Variants in KMT5C observed in about 807,000 individuals in gnomAD.
The protein encoded by KMT5C is histone-lysine N-methyltransferase KMT5C.
Under a neutral mutation model 38.2 loss-of-function variants are expected in KMT5C, and 16 were observed. The observed-to-expected ratio is 0.42, with a 90% CI of 0.28 to 0.64. KMT5C has a LOEUF of 0.64. Among genes scored for constraint, KMT5C ranks in the 30% least tolerant of loss-of-function variants. The pLI is 0.23. For synonymous variants in KMT5C, 291 were observed against 279.0 expected (o/e 1.04, Z -0.43); for missense variants, 598 against 665.1 (o/e 0.90, Z 1.11).
At chr19:55,344,987 T>C (rs746918848) in intron 6 of KMT5C, 1 of 460,104 alleles carries the variant, frequency 2.2e-6, no homozygotes, top group Non-Finnish European at 4.4e-6. Context: ...GCTGGTCAAG[T>C]GTGCCGGAGG....
chr19:55,346,627 G>A lies in KMT5C; in HGVS notation c.835G>A (p.Gly279Ser), dbSNP rs1368485362. 2 of 1,571,850 alleles carry A rather than the reference G, an allele frequency of 1.3e-6. No homozygotes were observed. Among genetic ancestry groups the A allele is most frequent in the Non-Finnish European group, 1.7e-6 (2 of 1,159,476 alleles). ...QQGLDSGSRQ[G>S]LLGPRACVHP... Reference sequence around the variant, plus strand: ...AGGCCTGGACAGTGGCAGCCGACAGGGCCTGCTGGGCCCTCGGGCCTGCGT... The same window carrying A: ...AGGCCTGGACAGTGGCAGCCGACAGAGCCTGCTGGGCCCTCGGGCCTGCGT... The change falls in exon 8 of 9, where the codon GGC becomes AGC. Residue 279 changes from glycine to serine, a missense_variant. Transcript: ENST00000255613.
chr19:55,346,024 G>T (rs2123199333), intron 6 of KMT5C, 189 bp from the exon 7 acceptor site: 1 of 637,616 alleles, frequency 1.6e-6, no homozygotes, highest in Non-Finnish European at 2.7e-6. Flanking sequence ...TGGGTGGATT[G>T]TCCAGGGGCT....
intron 2 of KMT5C, 53 bp downstream of exon 2, chr19:55,342,099 T>G (rs2089563984): frequency 6.4e-7 from 1 of 1,571,162 alleles, no homozygotes; most frequent in Admixed American, 1.7e-5. Flanking sequence ...CCCCTCCCCT[T>G]GCACCGCTGC....
rs755548394 is a variant in KMT5C at position 55,347,045 on chromosome 19, C to T, written c.985C>T (p.Arg329Ter). The T allele has an allele frequency of 2.6e-6, 4 of 1,554,754 alleles. No homozygotes were observed. Among genetic ancestry groups the T allele is most frequent in the Admixed American group, 1.7e-5 (1 of 59,562 alleles). The part of the protein sequence containing the change: ...WLQWLPQPQP[R>*]VRPRKRRRPR... ...CCAGTGGCTGCCTCAGCCCCAGCCC[C>T]GAGTGCGGCCCCGGAAGCGCCGACG... The change falls in exon 9 of 9, where the codon CGA (arginine) becomes TGA (stop). Residue 329 changes from arginine to a stop codon, truncating the protein, a stop_gained. Transcript: ENST00000255613. LOFTEE classifies it low-confidence loss of function (END_TRUNC). This position sits in a 1 kb window ranked among gnomAD's most constrained non-coding sequence, Gnocchi z 4.6.
chr19:55,345,269 G>A (rs1217087184), intron 6 of KMT5C: 4 of 356,284 alleles, frequency 1.1e-5, no homozygotes, highest in Admixed American at 3.8e-5. Flanking sequence ...CACACCAGAG[G>A]GCTGGGGGTG....
chr19:55,342,693 CA>C, intron 3 of KMT5C, 48 bp from the exon 4 acceptor site: 1 of 1,069,930 alleles, frequency 9.3e-7, no homozygotes, highest in Non-Finnish European at 1.5e-6. Flanking sequence ...GAGAGAGGGC[CA>C]AAGATGCCCC....
chr19:55,344,143 G>A, intron 6 of KMT5C, 146 bp downstream of exon 6: 1 of 798,680 alleles, frequency 1.3e-6, no homozygotes, highest in East Asian at 2.6e-5. Flanking sequence ...GGGAGGCCGA[G>A]GTGGGCAGAT....
chr19:55,346,777 G>A (rs1319952531), intron 8 of KMT5C, 90 bp downstream of exon 8: 1 of 1,192,306 alleles, frequency 8.4e-7, no homozygotes, highest in East Asian at 2.6e-5. Flanking sequence ...TGCCTAGCCT[G>A]GAACCCTCCC....
At position 55,347,524 on chromosome 19, in the gene KMT5C, C is replaced by A. The variant is rs1292127366; in HGVS notation, c.*75C>A. 2.0e-6 allele frequency: 3 copies of A among 1,467,782 alleles called. No homozygotes were observed. The African/African-American group carries it at 4.3e-5, about 21-fold the overall frequency. The allele number at this position is 1,467,782 out of a possible 1,614,324, so 90.9% of individuals were successfully genotyped here. A position where few individuals can be genotyped will look rare whatever the true frequency, so the allele number is the denominator to read the frequency against. Reference sequence around the variant, plus strand: ...GCTACCCAGGACCTCCAGAAGGAGCCCTTGGACCTCTGGGAGGGAGCTGAC... The same window carrying A: ...GCTACCCAGGACCTCCAGAAGGAGCACTTGGACCTCTGGGAGGGAGCTGAC... On this transcript the variant is annotated 3_prime_UTR_variant, in exon 9 of 9. Coordinates refer to ENST00000255613, the MANE Select transcript of KMT5C (RefSeq NM_032701.4). The surrounding 1 kb of genome is among the most constrained non-coding windows in gnomAD (Gnocchi z 4.6).
In KMT5C at chr19:55,343,254, C is replaced by T. The variant is rs1600262939; in HGVS notation, c.386+403C>T. The T allele has an allele frequency of 3.2e-6, 1 of 310,204 alleles. No homozygotes were observed. The highest frequency in any genetic ancestry group is 7.1e-5 in the East Asian group (1 of 14,038). 19.2% of individuals were successfully genotyped at this position (310,204 alleles called of 1,614,324 possible). ...CAAGTCAACATGCAGTCACTGGTCCCAGCTGGTACATGCTGCAGGGGAGCT... is the reference window on the plus strand; with the variant it reads ...CAAGTCAACATGCAGTCACTGGTCCTAGCTGGTACATGCTGCAGGGGAGCT... On this transcript the variant is annotated intron_variant, in intron 4 of 8. Transcript: ENST00000255613. The surrounding 1 kb of genome is among the most constrained non-coding windows in gnomAD (Gnocchi z 5.5).
chr19:55,347,239 C>G lies in KMT5C; in HGVS notation c.1179C>G (p.Ala393=), dbSNP rs2089632223. ...RWAPQQDWHW[A]RRYGLPYVVR... is the part of the protein sequence containing the mutation. ...CCCCTCAGCAGGACTGGCACTGGGC[C>G]CGGCGCTATGGGCTGCCTTACGTGG... is the stretch of plus-strand genomic sequence containing the variant. Residue 393 remains alanine, a synonymous_variant, in exon 9 of 9, where the codon GCC becomes GCG. Coordinates refer to ENST00000255613, the MANE Select transcript of KMT5C (RefSeq NM_032701.4). The surrounding 1 kb of genome is among the most constrained non-coding windows in gnomAD (Gnocchi z 4.6). 2.0e-5 allele frequency: 31 copies of G among 1,544,356 alleles called. No individual in the cohort carries two copies. The highest frequency in any genetic ancestry group is 2.6e-5 in the Non-Finnish European group (30 of 1,147,808).
Position 55,346,582 on chromosome 19 carries a change from A to G in KMT5C, c.790A>G (p.Thr264Ala). 5 of 1,585,268 alleles carry G rather than the reference A, an allele frequency of 3.2e-6. No homozygotes were observed. Among genetic ancestry groups the G allele is most frequent in the Non-Finnish European group, 4.3e-6 (5 of 1,166,434 alleles). ...RPLDKYQLRE[T>A]KRRLQQGLDS... The stretch of plus-strand genomic sequence containing the variant: ...CCTGGACAAGTACCAGCTGCGTGAG[A>G]CCAAGCGGCGGCTGCAGCAAGGCCT... Residue 264 changes from threonine (T) to alanine (A), a missense_variant, in exon 8 of 9, where the codon ACC (threonine) becomes GCC (alanine). Thr to Ala is a moderately conservative substitution (Grantham distance 58, BLOSUM62 0). Coordinates refer to ENST00000255613, the MANE Select transcript of KMT5C (RefSeq NM_032701.4).
Position 55,342,333 on chromosome 19 carries a change from T to G in KMT5C, c.229T>G (p.Tyr77Asp). The G allele has an allele frequency of 6.4e-7, 1 of 1,564,102 alleles. No individual in the cohort carries two copies. The highest frequency in any genetic ancestry group is 8.6e-7 in the Non-Finnish European group (1 of 1,156,304). The change falls in exon 3 of 9, where the codon TAC becomes GAC. Residue 77 changes from tyrosine (Y) to aspartate (D), a missense_variant. Coordinates refer to ENST00000255613, the MANE Select transcript of KMT5C (RefSeq NM_032701.4). ...ALTLGGWTAR[Y>D]FQSRGPRQEA... ...GACGCTGGGAGGCTGGACGGCCCGC[T>G]ACTTCCAGAGCCGGGGCCCGCGGCA...
At chr19:55,341,323 G>A (rs1569018830) in intron 1 of KMT5C, among the ~76,000 whole-genome samples, 1 of 152,210 alleles carries the variant, frequency 6.6e-6, no homozygotes, top group South Asian at 2.1e-4. Context: ...GCTGCCTGGG[G>A]CTTCACCCGG....
chr19:55,345,956 C>G (rs1022370301), intron 6 of KMT5C: 2 of 539,298 alleles, frequency 3.7e-6, no homozygotes, highest in South Asian at 4.1e-5. Context: ...TGGCACTGCA[C>G]GCTGCCAGAA....
chr19:55,342,130 A>C, intron 2 of KMT5C, 84 bp downstream of exon 2: 2 of 1,584,544 alleles, frequency 1.3e-6, no homozygotes, highest in Non-Finnish European at 1.7e-6. Flanking sequence ...CCCTCTCCTT[A>C]GCCTGGTCCT....
chr19:55,342,225 C>A lies in KMT5C; in HGVS notation c.121C>A (p.Pro41Thr), dbSNP rs767623677. 10 of 1,609,814 alleles carry A rather than the reference C, an allele frequency of 6.2e-6. No homozygotes were observed. The highest frequency in any genetic ancestry group is 2.7e-5 in the African/African-American group (2 of 74,894). Residue 41 changes from proline to threonine, a missense_variant, in exon 3 of 9, where the codon CCC becomes ACC. Pro to Thr is a conservative substitution (Grantham distance 38). Coordinates refer to ENST00000255613, the MANE Select transcript of KMT5C (RefSeq NM_032701.4). ...THKMNVSPVP[P>T]LRRQQHLRSA... The stretch of plus-strand genomic sequence containing the variant: ...TGCCCTCTCCCCCAGCCCTGTGCCC[C>A]CCCTGCGGCGACAGCAGCACCTGCG...
chr19:55,340,342 C>T (rs2089543271), intron 1 of KMT5C, among the ~76,000 whole-genome samples: 1 of 151,244 alleles, frequency 6.6e-6, no homozygotes, highest in Non-Finnish European at 1.5e-5. Flanking sequence ...CCTGACCCTT[C>T]TCTCACCCCC....
In KMT5C at chr19:55,343,016, CT is replaced by C; in HGVS notation, c.386+166del. The C allele has an allele frequency of 1.6e-6, 1 of 609,512 alleles. No individual in the cohort carries two copies. Among genetic ancestry groups the C allele is most frequent in the Non-Finnish European group, 3.0e-6 (1 of 337,072 alleles). The allele number at this position is 609,512 out of a possible 1,614,324, so 37.8% of individuals were successfully genotyped here. On this transcript the variant is annotated intron_variant, in intron 4 of 8. Transcript: ENST00000255613. This position sits in a 1 kb window ranked among gnomAD's most constrained non-coding sequence, Gnocchi z 5.5. ...GGCTAATCCCGGAAGACCTTTGTGG[CT>C]ACCGTGGTGCCGCTGGAGCAGGAGA... is the stretch of plus-strand genomic sequence containing the variant.
Sources: gnomAD v4.1 joint callset for allele counts (sites outside exome capture counted in the v4.1 genomes callset) on GRCh38, gnomAD v4.1.1 for gene constraint, Gnocchi (gnomAD v3.1) non-coding constraint, MANE v1.5 for transcripts, NCBI Gene and HGNC (gene_info 2026-07-23, HGNC 2026-07-21) for gene names.